The following RUNX2 variants were observed in gnomAD, a reference collection of about 807,000 sequenced individuals.
RUNX2 encodes the protein RUNX family transcription factor 2.
Under a neutral mutation model 51.7 loss-of-function variants are expected in RUNX2, and 10 were observed. The observed-to-expected ratio is 0.19, with a 90% CI of 0.12 to 0.33. RUNX2 has a LOEUF of 0.33. Ranked by LOEUF, RUNX2 falls within the 10% of genes least tolerant of loss-of-function variation. The pLI, the probability that RUNX2 is intolerant of heterozygous loss-of-function variation, is 1.00. For missense variants in RUNX2, 562 were observed against 691.3 expected, an observed-to-expected ratio of 0.81 and a Z score of 2.10; for synonymous variants, 276 against 273.6, an observed-to-expected ratio of 1.01 and a Z score of -0.09.
chr6:45,527,181 T>G (rs1338700359), intron 7 of RUNX2, among the ~76,000 whole-genome samples: 60 of 152,080 alleles, frequency 3.9e-4, no homozygotes, highest in Non-Finnish European at 2.9e-5. Context: ...CTGTGGGGTG[T>G]TTGAGAAGAA....
At chr6:45,461,941 C>A (rs1208488949) in intron 5 of RUNX2, among the ~76,000 whole-genome samples, 2 of 152,070 alleles carry the variant, frequency 1.3e-5, no homozygotes, top group Non-Finnish European at 1.5e-5. Flanking sequence ...GTTCCCAGGG[C>A]AGCTGTGGCT....
chr6:45,416,821 T>C (rs938314261), intron 2 of RUNX2, among the ~76,000 whole-genome samples: 30 of 152,314 alleles, frequency 2.0e-4, no homozygotes, highest in Non-Finnish European at 4.0e-4. Context: ...GCTCCATGAA[T>C]GTGGTTCTGA....
chr6:45,448,601 G>A (rs1799070081), intron 5 of RUNX2, among the ~76,000 whole-genome samples: 1 of 152,098 alleles, frequency 6.6e-6, no homozygotes, highest in Non-Finnish European at 1.5e-5. Flanking sequence ...TTGGCAGGTG[G>A]GGAAGACATC....
chr6:45,467,275 ATTTATTTATTTACT>A (rs1563099463), intron 5 of RUNX2, among the ~76,000 whole-genome samples: 1 of 151,542 alleles, frequency 6.6e-6, no homozygotes, highest in Non-Finnish European at 1.5e-5. Flanking sequence ...TCTTTTATTT[ATTTATTTATTTACT>A]TTTATTTTTT....
intron 7 of RUNX2, among the ~76,000 whole-genome samples, chr6:45,522,793 G>T (rs1413055107): frequency 6.6e-6 from 1 of 152,192 alleles, no homozygotes; most frequent in Non-Finnish European, 1.5e-5. Context: ...GTCTACCCAG[G>T]AATCAGTGCT....
intron 6 of RUNX2, among the ~76,000 whole-genome samples, chr6:45,495,390 G>A (rs1405046831): frequency 1.3e-5 from 2 of 152,204 alleles, no homozygotes; most frequent in African/African-American, 4.8e-5. Flanking sequence ...TTGTTCCCTA[G>A]TGATGGGCAG....
At chr6:45,459,448 A>G (rs371653385) in intron 5 of RUNX2, among the ~76,000 whole-genome samples, 1 of 152,234 alleles carries the variant, frequency 6.6e-6, no homozygotes, top group Admixed American at 6.5e-5. Context: ...AGCTACACAC[A>G]AGTTTGGAAT....
intron 2 of RUNX2, among the ~76,000 whole-genome samples, chr6:45,336,253 T>C (rs551724488): frequency 6.6e-6 from 1 of 151,580 alleles, no homozygotes; most frequent in South Asian, 2.1e-4. Context: ...ATAAGGACAA[T>C]GAGTACTGTC....
intron 7 of RUNX2, among the ~76,000 whole-genome samples, chr6:45,514,574 C>A (rs1801261670): frequency 1.3e-5 from 2 of 152,114 alleles, no homozygotes; most frequent in Non-Finnish European, 2.9e-5. Flanking sequence ...GTAAAGAGAA[C>A]AGAAAATCCC....
chr6:45,477,237 G>A (rs1464971906), intron 5 of RUNX2, among the ~76,000 whole-genome samples: 1 of 152,126 alleles, frequency 6.6e-6, no homozygotes. Flanking sequence ...AGGAGTGTTT[G>A]CTTCTCAGGG....
chr6:45,472,516 C>G (rs1452986968), intron 5 of RUNX2, among the ~76,000 whole-genome samples: 2 of 152,226 alleles, frequency 1.3e-5, no homozygotes, highest in Admixed American at 1.3e-4. Context: ...AACCCAGATG[C>G]CCAGCTGTGG....
At chr6:45,338,394 T>A (rs1789049501) in intron 2 of RUNX2, among the ~76,000 whole-genome samples, 1 of 151,860 alleles carries the variant, frequency 6.6e-6, no homozygotes, top group Non-Finnish European at 1.5e-5. Flanking sequence ...AAATCAGTAA[T>A]AAAAATACAA....
At chr6:45,404,448 A>G (rs1049262989) in intron 2 of RUNX2, among the ~76,000 whole-genome samples, 3 of 152,144 alleles carry the variant, frequency 2.0e-5, no homozygotes, top group African/African-American at 4.8e-5. Flanking sequence ...GTGTTCTTCA[A>G]TGGTGCTTCT....
chr6:45,395,513 A>G (rs1237386121), intron 2 of RUNX2, among the ~76,000 whole-genome samples: 1 of 152,244 alleles, frequency 6.6e-6, no homozygotes, highest in Non-Finnish European at 1.5e-5. Context: ...TTCCTAAAAC[A>G]TAAGAAGAGA....
intron 2 of RUNX2, among the ~76,000 whole-genome samples, chr6:45,372,427 G>A (rs972108112): frequency 6.6e-6 from 1 of 152,056 alleles, no homozygotes; most frequent in African/African-American, 2.4e-5. Flanking sequence ...AGAATGTTAT[G>A]ACTAAGAGTA....
intron 2 of RUNX2, among the ~76,000 whole-genome samples, chr6:45,345,488 C>A (rs1322187418): frequency 6.6e-6 from 1 of 152,074 alleles, no homozygotes; most frequent in Admixed American, 6.5e-5. Flanking sequence ...AAATGATAAA[C>A]CAACGCTCAA....
chr6:45,410,774 A>G (rs1797933078), intron 2 of RUNX2, among the ~76,000 whole-genome samples: 3 of 152,200 alleles, frequency 2.0e-5, no homozygotes, highest in Admixed American at 6.5e-5. Flanking sequence ...TTGGGAACCT[A>G]CATGTTGCCC....
chr6:45,487,296 G>T (rs978796613), intron 5 of RUNX2, among the ~76,000 whole-genome samples: 1 of 152,144 alleles, frequency 6.6e-6, no homozygotes, highest in African/African-American at 2.4e-5. Flanking sequence ...GGAAAACTGA[G>T]TCTGGTCCTG....
chr6:45,366,229 T>G (rs1365699819), intron 2 of RUNX2, among the ~76,000 whole-genome samples: 1 of 152,194 alleles, frequency 6.6e-6, no homozygotes, highest in African/African-American at 2.4e-5. Flanking sequence ...TATGATAAAG[T>G]AAAGCAGTGC....
Sources: gnomAD v4.1 joint callset for allele counts (sites outside exome capture counted in the v4.1 genomes callset) on GRCh38, gnomAD v4.1.1 for gene constraint, MANE v1.5 for transcripts, NCBI Gene and HGNC (gene_info 2026-07-23, HGNC 2026-07-21) for gene names.